The following NAV2 variants were observed in gnomAD, a reference collection of about 807,000 sequenced individuals.
NAV2 encodes the protein helicase, APC down-regulated 1.
NAV2 carries 54 observed loss-of-function variants against 223.2 expected under a neutral mutation model. That is an observed-to-expected ratio of 0.24 (90% confidence interval 0.19 to 0.30). NAV2 has a LOEUF of 0.30. NAV2 is among the 10% of genes least tolerant of loss of function. The pLI, the probability that NAV2 is intolerant of heterozygous loss-of-function variation, is 1.00. For synonymous variants in NAV2, 1,279 were observed against 1,239.3 expected (o/e 1.03, Z -0.67); for missense variants, 2,806 against 3,147.5 (o/e 0.89, Z 2.60).
At chr11:19,628,717 C>T (rs974117069) in intron 1 of NAV2, among the ~76,000 whole-genome samples, 2 of 152,150 alleles carry the variant, frequency 1.3e-5, no homozygotes, top group East Asian at 1.9e-4. Context: ...ACACAGGTGT[C>T]GACATTCATG....
At position 20,035,480 on chromosome 11, in the gene NAV2, C is replaced by T. The variant is rs529987011; in HGVS notation, c.2769-479C>T. Among the ~76,000 whole-genome samples, 8 of 152,138 alleles carry T rather than the reference C, an allele frequency of 5.3e-5. No homozygotes were observed. The East Asian group carries it at 9.7e-4, about 18-fold the overall frequency. ...TTGACAGGTTTCTCCTAACTGTTGCCGCTCTCCCTCGCTCGGCGTTTCATT... is the reference window on the plus strand; with the variant it reads ...TTGACAGGTTTCTCCTAACTGTTGCTGCTCTCCCTCGCTCGGCGTTTCATT... On this transcript the variant is annotated intron_variant, in intron 11 of 37. Transcript: ENST00000349880.
Position 19,512,611 on chromosome 11 carries a change from T to C in NAV2, c.75+161584T>C, listed in dbSNP as rs78283834. On this transcript the variant is annotated intron_variant, in intron 1 of 37. Coordinates refer to the NAV2 transcript ENST00000360655. ...AGAGTGAAAGCTCAATTAACTAGAATGGGGCAAAATGACTAATTGGAATTG... is the reference window on the plus strand; with the variant it reads ...AGAGTGAAAGCTCAATTAACTAGAACGGGGCAAAATGACTAATTGGAATTG... Among the ~76,000 whole-genome samples the C allele has an allele frequency of 5.4e-3, 825 of 152,332 alleles. 3 individuals are homozygous for C. Among genetic ancestry groups the C allele is most frequent in the African/African-American group, 0.019 (798 of 41,586 alleles).
chr11:20,027,461 T>C, intron 11 of NAV2: 1 of 985,444 alleles, frequency 1.0e-6, no homozygotes, highest in South Asian at 4.7e-5. Context: ...ACTGGAAAAT[T>C]GAGCAGGTAA....
chr11:20,051,226 T>A, intron 16 of NAV2, 63 bp from the exon 17 acceptor site: 1 of 1,418,034 alleles, frequency 7.1e-7, no homozygotes, highest in Non-Finnish European at 1.0e-6. Flanking sequence ...TCCCTAGCTT[T>A]CCCTCTCTCT....
chr11:20,024,888 G>T lies in NAV2; in HGVS notation c.2769-11071G>T, dbSNP rs556383980. ...GACAGCTGGCCAATGCCCTGTCTGG[G>T]ATTTGTCCCCCATCCCCTTTCCTTT... On this transcript the variant is annotated intron_variant, in intron 11 of 37. Transcript: ENST00000349880. Among the ~76,000 whole-genome samples the T allele has an allele frequency of 1.5e-4, 23 of 152,316 alleles. No individual in the cohort carries two copies. In the South Asian group the frequency reaches 3.9e-3, roughly 26 times the overall value.
intron 29 of NAV2, among the ~76,000 whole-genome samples, chr11:20,095,017 G>A: frequency 6.6e-6 from 1 of 152,170 alleles, no homozygotes; most frequent in Non-Finnish European, 1.5e-5. Flanking sequence ...TGTTTTGAGA[G>A]TATTCTTCCC....
At chr11:19,886,223 C>G (rs983776482) in intron 5 of NAV2, among the ~76,000 whole-genome samples, 10 of 152,090 alleles carry the variant, frequency 6.6e-5, no homozygotes, top group Admixed American at 6.5e-4. Flanking sequence ...AGCAATCCTC[C>G]CGCCTTGGCC....
intron 1 of NAV2, among the ~76,000 whole-genome samples, chr11:19,545,532 G>A (rs563082488): frequency 6.6e-6 from 1 of 152,210 alleles, no homozygotes; most frequent in African/African-American, 2.4e-5. Flanking sequence ...GCGCAAATGG[G>A]AGTCAGTTTC....
At chr11:19,776,034 T>A (rs1231756579) in intron 1 of NAV2, among the ~76,000 whole-genome samples, 1 of 152,222 alleles carries the variant, frequency 6.6e-6, no homozygotes. Flanking sequence ...ACCAATTTTA[T>A]CACCTTTCCT....
intron 10 of NAV2, among the ~76,000 whole-genome samples, chr11:19,977,763 C>T (rs974828240): frequency 2.7e-5 from 4 of 150,694 alleles, no homozygotes; most frequent in Admixed American, 2.0e-4. Flanking sequence ...GCCAATGTGG[C>T]CACTGCTTTT....
intron 1 of NAV2, among the ~76,000 whole-genome samples, chr11:19,603,159 A>G (rs1453177766): frequency 6.6e-6 from 1 of 152,228 alleles, no homozygotes; most frequent in Non-Finnish European, 1.5e-5. Context: ...AGGGAGGTCC[A>G]CTGGTGGTTC....
At chr11:19,872,763 C>T in intron 4 of NAV2, among the ~76,000 whole-genome samples, 1 of 152,238 alleles carries the variant, frequency 6.6e-6, no homozygotes, top group East Asian at 1.9e-4. Context: ...TTCTAGGGCA[C>T]AGACGGCGGA....
At chr11:19,734,132 G>A (rs999570918) in intron 1 of NAV2, among the ~76,000 whole-genome samples, 3 of 152,156 alleles carry the variant, frequency 2.0e-5, no homozygotes, top group Admixed American at 6.5e-5. Flanking sequence ...TGACCATGTC[G>A]AGAAAGGGAT....
intron 10 of NAV2, among the ~76,000 whole-genome samples, chr11:19,953,608 T>A (rs1175620671): frequency 6.6e-6 from 1 of 152,238 alleles, no homozygotes; most frequent in Admixed American, 6.5e-5. Flanking sequence ...TAGCTCAGTC[T>A]CACGTGTTTC....
At chr11:19,777,822 G>A (rs1006725288) in intron 1 of NAV2, 1 of 454,518 alleles carries the variant, frequency 2.2e-6, no homozygotes, top group African/African-American at 2.0e-5. Flanking sequence ...TGCACACGCT[G>A]GGATTGTCTC....
chr11:19,941,882 C>T (rs749242632), intron 8 of NAV2, among the ~76,000 whole-genome samples: 2 of 152,128 alleles, frequency 1.3e-5, no homozygotes, highest in Non-Finnish European at 2.9e-5. Context: ...TTCTGAAGCC[C>T]CAGTTTTCAT....
intron 1 of NAV2, among the ~76,000 whole-genome samples, chr11:19,643,212 C>A (rs184957879): frequency 6.6e-5 from 10 of 152,122 alleles, no homozygotes; most frequent in Admixed American, 6.5e-4. Flanking sequence ...ATGTGCACAA[C>A]GTGCACGTTT....
At chr11:19,888,997 G>A (rs769088979) in intron 5 of NAV2, among the ~76,000 whole-genome samples, 2 of 152,176 alleles carry the variant, frequency 1.3e-5, no homozygotes, top group African/African-American at 4.8e-5. Flanking sequence ...ATCCGGGTAA[G>A]ATTGAGCATT....
chr11:19,843,668 TA>T (rs1448454879), intron 3 of NAV2, among the ~76,000 whole-genome samples: 1 of 151,970 alleles, frequency 6.6e-6, no homozygotes, highest in Non-Finnish European at 1.5e-5. Context: ...CAGAGTCTGT[TA>T]AGATAACACT....
Sources: allele counts gnomAD v4.1 joint callset (sites outside exome capture counted in the v4.1 genomes callset), GRCh38; gene constraint gnomAD v4.1.1; transcripts MANE v1.5; gene names NCBI Gene and HGNC (gene_info 2026-07-23, HGNC 2026-07-21).